Variants in PLEKHA4 observed in about 807,000 individuals in gnomAD.
PLEKHA4 encodes the protein pleckstrin homology domain-containing family A member 4.
Under a neutral mutation model 94.7 loss-of-function variants are expected in PLEKHA4, and 73 were observed. That is an observed-to-expected ratio of 0.77 (90% CI 0.64 to 0.94). The LOEUF (loss-of-function observed/expected upper bound fraction) is 0.94, where lower values mean the gene tolerates loss of function less well. PLEKHA4 is among the 40% of genes least tolerant of loss of function. The pLI, the probability that PLEKHA4 is intolerant of heterozygous loss-of-function variation, is 0.00. For synonymous variants in PLEKHA4, 449 were observed against 437.1 expected (o/e 1.03, Z -0.34); for missense variants, 1,049 against 1,054.1 (o/e 1.00, Z 0.07).
rs772481055 is a variant in PLEKHA4, at chr19:48,861,512, G to A, written c.266-11C>T. On this transcript the variant is annotated splice_polypyrimidine_tract_variant and intron_variant, in intron 4 of 19. Transcript: ENST00000263265. The stretch of plus-strand genomic sequence containing the variant: ...TCTCCTCGCGGCTGTCTGCAAAGAG[G>A]GGCTGGGGTCAAGGATCACACAGGG... 2 of 1,613,866 alleles carry A rather than the reference G, an allele frequency of 1.2e-6. No homozygotes were observed. Among genetic ancestry groups the A allele is most frequent in the Non-Finnish European group, 8.5e-7 (1 of 1,179,778 alleles).
chr19:48,852,441 G>C, intron 12 of PLEKHA4, 115 bp from the exon 13 acceptor site: 1 of 747,612 alleles, frequency 1.3e-6, no homozygotes, highest in Non-Finnish European at 2.3e-6. Context: ...CTGGAGCCCT[G>C]CAGGCGTATG....
At chr19:48,854,431 C>T (rs939389408) in intron 9 of PLEKHA4, among the ~76,000 whole-genome samples, 167 bp from the exon 10 acceptor site, 1 of 152,154 alleles carries the variant, frequency 6.6e-6, no homozygotes, top group Admixed American at 6.6e-5. Context: ...TGCAGTCGTG[C>T]GATCATGGTT....
chr19:48,851,207 G>C (rs2036171836), intron 13 of PLEKHA4, among the ~76,000 whole-genome samples: 2 of 152,158 alleles, frequency 1.3e-5, no homozygotes, highest in African/African-American at 4.8e-5. Flanking sequence ...TGCTTGAGGG[G>C]ATGGACACCC....
At chr19:48,861,282 T>C in intron 5 of PLEKHA4, 119 bp downstream of exon 5, 3 of 869,404 alleles carry the variant, frequency 3.5e-6, no homozygotes, top group Non-Finnish European at 3.9e-6. Context: ...CAAGACCTTT[T>C]ATCTCCAGTA....
rs2036558519 is a variant in PLEKHA4, at chr19:48,859,594, C to A, written c.567G>T (p.Gly189=). 6.2e-7 allele frequency: 1 copy of A among 1,613,558 alleles called. No individual in the cohort carries two copies. The highest frequency in any genetic ancestry group is 8.5e-7 in the Non-Finnish European group (1 of 1,179,938). The change falls in exon 7 of 20, where the codon GGG becomes GGT. Residue 189 remains glycine, a synonymous_variant. Transcript: ENST00000263265. ...TCACTTCCGGTGATTCTGAGATGCG[C>A]CCCTCTTCCCCTCTGCTCACCTCCG... ...GPPEVSRGEE[G]RISESPEVTR...
chr19:48,859,367 G>A, intron 7 of PLEKHA4, 102 bp downstream of exon 7: 1 of 1,287,912 alleles, frequency 7.8e-7, no homozygotes, highest in Non-Finnish European at 1.1e-6. Context: ...GCCCCAGCAA[G>A]TCACACACAC....
rs558621360 is a variant in PLEKHA4 at position 48,865,072 on chromosome 19, G to A, written c.192+431C>T. 5.9e-5 allele frequency among the ~76,000 whole-genome samples: 9 copies of A among 152,276 alleles called. No individual in the cohort carries two copies. In the South Asian group the frequency reaches 6.2e-4, roughly 11 times the overall value. On this transcript the variant is annotated intron_variant, in intron 3 of 19. Transcript: ENST00000263265. Reference sequence around the variant, plus strand: ...AAGAATGAATGAATGGGCCAGGCACGGTGGCTCACGCCTGTAATCCCAGCA... The same window carrying A: ...AAGAATGAATGAATGGGCCAGGCACAGTGGCTCACGCCTGTAATCCCAGCA...
intron 16 of PLEKHA4, 50 bp downstream of exon 16, chr19:48,845,320 G>A (rs1423183675): frequency 1.3e-6 from 2 of 1,557,150 alleles, no homozygotes; most frequent in Non-Finnish European, 1.8e-6. Context: ...AGAAGTGTGG[G>A]GGTCCCTGAT....
At chr19:48,860,528 G>A in intron 5 of PLEKHA4, 69 bp from the exon 6 acceptor site, 2 of 1,223,948 alleles carry the variant, frequency 1.6e-6, no homozygotes, top group South Asian at 2.5e-5. Context: ...CCGGACCGGT[G>A]ACTCATTCCA....
At chr19:48,862,985 G>C (rs2036701535) in intron 3 of PLEKHA4, among the ~76,000 whole-genome samples, 2 of 152,180 alleles carry the variant, frequency 1.3e-5, no homozygotes, top group Non-Finnish European at 2.9e-5. Flanking sequence ...TGGAGCCTGA[G>C]ACACAGAGAG....
At chr19:48,854,364 CTATTTATT>C (rs377323563) in intron 9 of PLEKHA4, 100 bp from the exon 10 acceptor site, 3 of 1,004,586 alleles carry the variant, frequency 3.0e-6, no homozygotes, top group Non-Finnish European at 3.1e-6. Context: ...AGGTACTGCA[CTATTTATT>C]TATTTATTTA....
Position 48,867,988 on chromosome 19 carries a change from C to T in PLEKHA4, c.-7+95G>A, listed in dbSNP as rs2036890806. ...CCTGTCTCCCGCCCTCCCACATGCA[C>T]CCCCAAACCACCCCTGCCAACTCCC... On this transcript the variant is annotated intron_variant, in intron 1 of 19. Coordinates refer to ENST00000263265, the MANE Select transcript of PLEKHA4 (RefSeq NM_020904.3). This position sits in a 1 kb window ranked among gnomAD's most constrained non-coding sequence, Gnocchi z 4.7. 4.7e-6 allele frequency: 1 copy of T among 212,494 alleles called. No individual in the cohort carries two copies. The highest frequency in any genetic ancestry group is 9.6e-6 in the Non-Finnish European group (1 of 104,684). The allele number at this position is 212,494 out of a possible 1,614,324, so 13.2% of individuals were successfully genotyped here.
At chr19:48,855,926 A>T (rs1352022643) in intron 9 of PLEKHA4, among the ~76,000 whole-genome samples, 4 of 152,020 alleles carry the variant, frequency 2.6e-5, no homozygotes, top group Non-Finnish European at 4.4e-5. Context: ...TAATCCCAGC[A>T]TTTTGGGAGG....
intron 13 of PLEKHA4, among the ~76,000 whole-genome samples, chr19:48,851,805 A>T (rs1281917086): frequency 6.6e-6 from 1 of 151,362 alleles, no homozygotes; most frequent in Non-Finnish European, 1.5e-5. Context: ...GTAGCTGGGC[A>T]TGGTGGCATG....
intron 6 of PLEKHA4, 34 bp downstream of exon 6, chr19:48,860,316 G>A (rs2036585131): frequency 6.4e-7 from 1 of 1,556,236 alleles, no homozygotes; most frequent in African/African-American, 1.4e-5. Context: ...ACTCAGGGTG[G>A]AGGGTCAGGA....
Position 48,859,068 on chromosome 19 carries a change from C to CATTGATG in PLEKHA4, c.763_764insCATCAAT (p.Arg255ProfsTer25), listed in dbSNP as rs757615022. 1 of 1,381,500 alleles carries CATTGATG rather than the reference C, an allele frequency of 7.2e-7. No homozygotes were observed. The highest frequency in any genetic ancestry group is 9.5e-7 in the Non-Finnish European group (1 of 1,047,192). The allele number at this position is 1,381,500 out of a possible 1,614,324, so 85.6% of individuals were successfully genotyped here. On this transcript the variant is annotated frameshift_variant, in exon 8 of 20. Transcript: ENST00000263265. LOFTEE classifies it high-confidence loss of function. Reference sequence around the variant, plus strand: ...TGTGTCTCCTGAGGGGGCAGGGGGTCGCCGCGCAGGGGCAGAACGGGGACG... The same window carrying CATTGATG: ...TGTGTCTCCTGAGGGGGCAGGGGGTCATTGATGGCCGCGCAGGGGCAGAACGGGGACG...
chr19:48,837,886 C>T lies in PLEKHA4; in HGVS notation c.2077+131G>A. The T allele has an allele frequency of 1.3e-6, 1 of 759,892 alleles. No homozygotes were observed. The highest frequency in any genetic ancestry group is 2.2e-6 in the Non-Finnish European group (1 of 458,044). The allele number at this position is 759,892 out of a possible 1,614,324, so 47.1% of individuals were successfully genotyped here. A position where few individuals can be genotyped will look rare whatever the true frequency, so the allele number is the denominator to read the frequency against. On this transcript the variant is annotated intron_variant, in intron 19 of 19. Coordinates refer to ENST00000263265, the MANE Select transcript of PLEKHA4 (RefSeq NM_020904.3). The surrounding 1 kb of genome is among the most constrained non-coding windows in gnomAD (Gnocchi z 4.3). ...TGAGACCTAAAACTCCCAAACCCTGCCCAACTCTTTACTCACCAAGATAAA... is the reference window on the plus strand; with the variant it reads ...TGAGACCTAAAACTCCCAAACCCTGTCCAACTCTTTACTCACCAAGATAAA...
chr19:48,863,759 A>T (rs1255095540), intron 3 of PLEKHA4, among the ~76,000 whole-genome samples: 2 of 152,068 alleles, frequency 1.3e-5, no homozygotes, highest in East Asian at 3.9e-4. Context: ...TTTTTAGTAG[A>T]GATGGGGTTT....
intron 12 of PLEKHA4, 81 bp downstream of exon 12, chr19:48,853,601 C>T: frequency 7.5e-7 from 1 of 1,333,594 alleles, no homozygotes; most frequent in African/African-American, 1.5e-5. Flanking sequence ...TCCTATGAGC[C>T]CTCTGGGGCA....
Sources: allele counts gnomAD v4.1 joint callset (sites outside exome capture counted in the v4.1 genomes callset), GRCh38; gene constraint gnomAD v4.1.1; non-coding constraint Gnocchi (gnomAD v3.1); transcripts MANE v1.5; gene names NCBI Gene and HGNC (gene_info 2026-07-23, HGNC 2026-07-21).